The following VARS1 variants were observed in gnomAD, a reference collection of about 807,000 sequenced individuals.
VARS1 encodes valyl-tRNA synthetase 1.
Under a neutral mutation model 161.0 loss-of-function variants are expected in VARS1, and 92 were observed. That is an observed-to-expected ratio of 0.57 (90% CI 0.48 to 0.68). The LOEUF (loss-of-function observed/expected upper bound fraction) is 0.68, where lower values mean the gene tolerates loss of function less well. Among genes scored for constraint, VARS1 ranks in the 30% least tolerant of loss-of-function variants. VARS1 has a pLI of 0.00. For missense variants in VARS1, 1,338 were observed against 1,695.9 expected, an observed-to-expected ratio of 0.79 and a Z score of 3.71; for synonymous variants, 595 against 682.5, an observed-to-expected ratio of 0.87 and a Z score of 2.00.
Position 31,791,524 on chromosome 6 carries a change from GGA to G in VARS1, c.1100+84_1100+85del. 1 of 1,513,650 alleles carries G rather than the reference GGA, an allele frequency of 6.6e-7. No individual in the cohort carries two copies. The highest frequency in any genetic ancestry group is 8.8e-7 in the Non-Finnish European group (1 of 1,131,462). The allele number at this position is 1,513,650 out of a possible 1,614,324, so 93.8% of individuals were successfully genotyped here. On this transcript the variant is annotated intron_variant, in intron 8 of 29. Transcript: ENST00000375663. This position sits in a 1 kb window ranked among gnomAD's most constrained non-coding sequence, Gnocchi z 5.0. ...GGCAGAAGTGAGCACCAACCCAGAA[GGA>G]GAGAGGCTCGGGGGGCTGTCAGGGA...
rs769764623 is a variant in VARS1 at position 31,779,430 on chromosome 6, G to A, written c.3395C>T (p.Pro1132Leu). ...RADYNLTRIR[P>L]DCFLEVADEA... ...CATGGGGGCCTGAGGCTCACAGTCA[G>A]GCCGGATCCGGGTGAGGTTGTAGTC... Residue 1132 changes from proline to leucine, a missense_variant, in exon 28 of 30, where the codon CCT becomes CTT. Pro to Leu is a moderately conservative substitution (Grantham distance 98, BLOSUM62 -3). Coordinates refer to ENST00000375663, the MANE Select transcript of VARS1 (RefSeq NM_006295.3). The surrounding 1 kb of genome is among the most constrained non-coding windows in gnomAD (Gnocchi z 9.1). 102 of 1,611,538 alleles carry A rather than the reference G, an allele frequency of 6.3e-5. No homozygotes were observed. Among genetic ancestry groups the A allele is most frequent in the Non-Finnish European group, 8.1e-5 (96 of 1,179,994 alleles).
rs1562313565 is a variant in VARS1 at position 31,792,437 on chromosome 6, G to C, written c.741C>G (p.Phe247Leu). The C allele has an allele frequency of 6.2e-7, 1 of 1,613,794 alleles. No homozygotes were observed. The highest frequency in any genetic ancestry group is 8.5e-7 in the Non-Finnish European group (1 of 1,179,992). The change falls in exon 5 of 30, where the codon TTC (phenylalanine) becomes TTG (leucine). Residue 247 changes from phenylalanine (F) to leucine (L), a missense_variant. Transcript: ENST00000375663. Reference sequence around the variant, plus strand: ...GCTGTTGGATCTTCTGCTTCTGTTGGAATTTCTCTAGCTTCTCCCGTTTCT... The same window carrying C: ...GCTGTTGGATCTTCTGCTTCTGTTGCAATTTCTCTAGCTTCTCCCGTTTCT... ...EAKKREKLEK[F>L]QQKQKIQQQQ...
chr6:31,785,138 T>C lies in VARS1; in HGVS notation c.1347+108A>G. ...GCTGAGCCCTCCATGGTGTTTTACA[T>C]GGGCCAGCTCCTGAGAGAGGGCCAC... is the stretch of plus-strand genomic sequence containing the variant. On this transcript the variant is annotated intron_variant, in intron 10 of 29. Coordinates refer to ENST00000375663, the MANE Select transcript of VARS1 (RefSeq NM_006295.3). The surrounding 1 kb of genome is among the most constrained non-coding windows in gnomAD (Gnocchi z 6.1). 2 of 1,338,976 alleles carry C rather than the reference T, an allele frequency of 1.5e-6. No homozygotes were observed. The highest frequency in any genetic ancestry group is 2.1e-6 in the Non-Finnish European group (2 of 949,122). 82.9% of individuals were successfully genotyped at this position (1,338,976 alleles called of 1,614,324 possible). A position where few individuals can be genotyped will look rare whatever the true frequency, so the allele number is the denominator to read the frequency against.
chr6:31,787,089 T>A (rs1253937630), intron 8 of VARS1, among the ~76,000 whole-genome samples: 1 of 145,872 alleles, frequency 6.9e-6, no homozygotes, highest in African/African-American at 2.5e-5. Context: ...AAGCCAGGCA[T>A]GGTGGCGTGC....
chr6:31,781,982 G>A lies in VARS1; in HGVS notation c.2242-30C>T. ...CACAGGTGCAGTGATTACCCAAGGG[G>A]GTGTGTCTGCTTCTGGCTCACCCTG... On this transcript the variant is annotated intron_variant, in intron 18 of 29. Coordinates refer to ENST00000375663, the MANE Select transcript of VARS1 (RefSeq NM_006295.3). This position sits in a 1 kb window ranked among gnomAD's most constrained non-coding sequence, Gnocchi z 6.8. 1 of 1,613,124 alleles carries A rather than the reference G, an allele frequency of 6.2e-7. No homozygotes were observed. Among genetic ancestry groups the A allele is most frequent in the Non-Finnish European group, 8.5e-7 (1 of 1,179,966 alleles).
Position 31,784,286 on chromosome 6 carries a change from C to T in VARS1, c.1599G>A (p.Val533=). Residue 533 remains valine (V), a synonymous_variant, in exon 13 of 30, where the codon GTG becomes GTA. Transcript: ENST00000375663. This position sits in a 1 kb window ranked among gnomAD's most constrained non-coding sequence, Gnocchi z 6.1. ...GCATTGTCTCGATCCGAGTTGTTGC[C>T]ACCACCACCTCCTCGTCGCTATCTG... ...QGSDSDEEVV[V]ATTRIETMLG... 1 of 1,614,192 alleles carries T rather than the reference C, an allele frequency of 6.2e-7. No homozygotes were observed. Among genetic ancestry groups the T allele is most frequent in the Non-Finnish European group, 8.5e-7 (1 of 1,180,038 alleles).
In VARS1 at chr6:31,779,019, G is replaced by A. The variant is rs766331691; in HGVS notation, c.3674C>T (p.Ser1225Leu). ...AQRLRERRAA[S>L]GYPVKVPLEV... ...GAGCGGCACCTTGACAGGATAGCCCGAGGCAGCACGGCGTTCCCGCAGACG... is the reference window on the plus strand; with the variant it reads ...GAGCGGCACCTTGACAGGATAGCCCAAGGCAGCACGGCGTTCCCGCAGACG... Residue 1225 changes from serine to leucine, a missense_variant, in exon 29 of 30, where the codon TCG (serine) becomes TTG (leucine). Coordinates refer to ENST00000375663, the MANE Select transcript of VARS1 (RefSeq NM_006295.3). The surrounding 1 kb of genome is among the most constrained non-coding windows in gnomAD (Gnocchi z 9.1). 2.0e-5 allele frequency: 32 copies of A among 1,612,884 alleles called. No individual in the cohort carries two copies. Among genetic ancestry groups the A allele is most frequent in the Non-Finnish European group, 2.5e-5 (29 of 1,180,030 alleles).
Position 31,780,342 on chromosome 6 carries a change from C to T in VARS1, c.2925+99G>A. 6.5e-7 allele frequency: 1 copy of T among 1,549,062 alleles called. No individual in the cohort carries two copies. Among genetic ancestry groups the T allele is most frequent in the Non-Finnish European group, 8.7e-7 (1 of 1,147,364 alleles). On this transcript the variant is annotated intron_variant, in intron 25 of 29. Coordinates refer to ENST00000375663, the MANE Select transcript of VARS1 (RefSeq NM_006295.3). This position sits in a 1 kb window ranked among gnomAD's most constrained non-coding sequence, Gnocchi z 5.1. ...CTGGGCTTTCCCTTTAACTGTCTGT[C>T]TCTGTGTCTATCTGTCCCCCCAGCT...
chr6:31,781,365 G>C lies in VARS1; in HGVS notation c.2544+116C>G, dbSNP rs915652. On this transcript the variant is annotated intron_variant, in intron 21 of 29. Coordinates refer to ENST00000375663, the MANE Select transcript of VARS1 (RefSeq NM_006295.3). The surrounding 1 kb of genome is among the most constrained non-coding windows in gnomAD (Gnocchi z 6.8). ...GGATTTCAACCCCACACCAGCCCCC[G>C]GGTCAGGCCTGCCCACAGCTAACCC... 2.7e-6 allele frequency: 4 copies of C among 1,460,526 alleles called. No homozygotes were observed. Among genetic ancestry groups the C allele is most frequent in the South Asian group, 1.3e-5 (1 of 75,258 alleles). The allele number at this position is 1,460,526 out of a possible 1,614,324, so 90.5% of individuals were successfully genotyped here. A position where few individuals can be genotyped will look rare whatever the true frequency, so the allele number is the denominator to read the frequency against.
intron 8 of VARS1, among the ~76,000 whole-genome samples, chr6:31,787,969 A>C (rs898958413): frequency 4.7e-5 from 7 of 150,472 alleles, no homozygotes; most frequent in African/African-American, 1.5e-4. Flanking sequence ...ATACAAAAAA[A>C]ATTAGCCAGG....
rs768919503 is a variant in VARS1 at position 31,780,665 on chromosome 6, G to A, written c.2797+40C>T. On this transcript the variant is annotated intron_variant, in intron 24 of 29. Transcript: ENST00000375663. This position sits in a 1 kb window ranked among gnomAD's most constrained non-coding sequence, Gnocchi z 5.1. ...AGAAGAGGGATGGGCCTCACAGAAG[G>A]AGGAAGGAGTGGCTGGGAGGGACGC... The A allele has an allele frequency of 2.5e-6, 4 of 1,613,792 alleles. No individual in the cohort carries two copies. In the South Asian group the frequency reaches 3.3e-5, roughly 13 times the overall value.
Position 31,785,050 on chromosome 6 carries a change from A to G in VARS1, c.1347+196T>C, listed in dbSNP as rs1813409490. ...AATCTGGAGCTCCCAGAGCCAAGAC[A>G]GGGAACATGAAGGGCCATGATATGG... On this transcript the variant is annotated intron_variant, in intron 10 of 29. Transcript: ENST00000375663. The surrounding 1 kb of genome is among the most constrained non-coding windows in gnomAD (Gnocchi z 6.1). 6.6e-6 allele frequency among the ~76,000 whole-genome samples: 1 copy of G among 152,170 alleles called. No individual in the cohort carries two copies.
Position 31,780,915 on chromosome 6 carries a change from G to A in VARS1, c.2673C>T (p.Asn891=). 1 of 1,614,162 alleles carries A rather than the reference G, an allele frequency of 6.2e-7. No individual in the cohort carries two copies. Among genetic ancestry groups the A allele is most frequent in the Non-Finnish European group, 8.5e-7 (1 of 1,180,030 alleles). Reference sequence around the variant, plus strand: ...CCACCTCGCTGGGATCCAGGTTGCTGTTCAGCAGCTGGTTGTGGAGGCCCT... The same window carrying A: ...CCACCTCGCTGGGATCCAGGTTGCTATTCAGCAGCTGGTTGTGGAGGCCCT... ...SLQGLHNQLL[N]SNLDPSEVEK... is the part of the protein sequence containing the mutation. The change falls in exon 23 of 30, where the codon AAC becomes AAT. Residue 891 remains asparagine, a synonymous_variant. Coordinates refer to ENST00000375663, the MANE Select transcript of VARS1 (RefSeq NM_006295.3). The surrounding 1 kb of genome is among the most constrained non-coding windows in gnomAD (Gnocchi z 5.1).
At chr6:31,783,390 A>G (rs1342732530) in intron 13 of VARS1, among the ~76,000 whole-genome samples, 1 of 152,020 alleles carries the variant, frequency 6.6e-6, no homozygotes, top group African/African-American at 2.4e-5. Flanking sequence ...CGTGCCTGTA[A>G]TCTCAGCTAC....
Position 31,794,093 on chromosome 6 carries a change from CA to C in VARS1, c.387+737del, listed in dbSNP as rs33960246. ...TGGGCAACAGAAGGAGATTCTGTCT[CA>C]AAAAAAAAAAAAAAAAAGAAAAGAA... On this transcript the variant is annotated intron_variant, in intron 2 of 29. Transcript: ENST00000375663. Among the ~76,000 whole-genome samples the C allele has an allele frequency of 3.5e-3, 252 of 71,148 alleles. 4 individuals are homozygous for C. The highest frequency in any genetic ancestry group is 0.018 in the Admixed American group (115 of 6,522). 46.7% of individuals were successfully genotyped at this position (71,148 alleles called of 152,430 possible). A position where few individuals can be genotyped will look rare whatever the true frequency, so the allele number is the denominator to read the frequency against.
rs575634772 is a variant in VARS1 at position 31,789,796 on chromosome 6, G to A, written c.1100+1814C>T. Reference sequence around the variant, plus strand: ...AGCACTTTGGGAGTCCGAGGCGGGCGGATCACGAGGTCAGGAGATCGAGAC... The same window carrying A: ...AGCACTTTGGGAGTCCGAGGCGGGCAGATCACGAGGTCAGGAGATCGAGAC... On this transcript the variant is annotated intron_variant, in intron 8 of 29. Coordinates refer to ENST00000375663, the MANE Select transcript of VARS1 (RefSeq NM_006295.3). Among the ~76,000 whole-genome samples the A allele has an allele frequency of 3.0e-3, 452 of 151,764 alleles. 7 individuals are homozygous for A. The highest frequency in any genetic ancestry group is 0.01 in the African/African-American group (417 of 41,368).
At chr6:31,794,808 C>A in intron 2 of VARS1, 23 bp downstream of exon 2, 1 of 1,530,278 alleles carries the variant, frequency 6.5e-7, no homozygotes, top group Non-Finnish European at 8.8e-7. Context: ...CTCCCCTCCC[C>A]CTCTTCTGTA....
intron 8 of VARS1, among the ~76,000 whole-genome samples, chr6:31,790,901 A>G (rs1813826368): frequency 6.6e-6 from 1 of 152,202 alleles, no homozygotes; most frequent in Admixed American, 6.6e-5. Context: ...TACACATCAA[A>G]GTGATAACAA....
At position 31,782,040 on chromosome 6, in the gene VARS1, C is replaced by T. The variant is rs1813188345; in HGVS notation, c.2241+47G>A. On this transcript the variant is annotated intron_variant, in intron 18 of 29. Transcript: ENST00000375663. The surrounding 1 kb of genome is among the most constrained non-coding windows in gnomAD (Gnocchi z 8.3). Reference sequence around the variant, plus strand: ...CCCCACCAAGGACCCAGTAAACCCACCACTCCAGCAGGGTGTCCCAGCAGC... The same window carrying T: ...CCCCACCAAGGACCCAGTAAACCCATCACTCCAGCAGGGTGTCCCAGCAGC... 1 of 1,612,340 alleles carries T rather than the reference C, an allele frequency of 6.2e-7. No individual in the cohort carries two copies. The highest frequency in any genetic ancestry group is 8.5e-7 in the Non-Finnish European group (1 of 1,179,126).
Sources: allele counts gnomAD v4.1 joint callset (sites outside exome capture counted in the v4.1 genomes callset), GRCh38; gene constraint gnomAD v4.1.1; non-coding constraint Gnocchi (gnomAD v3.1); transcripts MANE v1.5; gene names NCBI Gene and HGNC (gene_info 2026-07-23, HGNC 2026-07-21).